TRAP1: variants seen among roughly 807,000 people sequenced by gnomAD.
TRAP1 encodes TNF receptor associated protein 1.
TRAP1 carries 102 observed loss-of-function variants against 89.1 expected under a neutral mutation model. That is an observed-to-expected ratio of 1.15 (90% confidence interval 0.98 to 1.35). The LOEUF is 1.35. TRAP1 is among the 40% of genes most tolerant of loss of function. TRAP1 has a pLI of 0.00. For missense variants in TRAP1, 1,256 were observed against 945.3 expected, an observed-to-expected ratio of 1.33 and a Z score of -4.31; for synonymous variants, 508 against 388.0, an observed-to-expected ratio of 1.31 and a Z score of -3.64.
At chr16:3,687,505 C>T (rs1184531047) in intron 3 of TRAP1, 2 of 152,318 alleles carry the variant, frequency 1.3e-5, no homozygotes, top group Non-Finnish European at 2.9e-5. Context: ...AGGTCTACCA[C>T]ACCCGGAGAA....
chr16:3,671,818 C>A, intron 10 of TRAP1, 27 bp from the exon 11 acceptor site: 1 of 1,609,812 alleles, frequency 6.2e-7, no homozygotes, highest in Non-Finnish European at 8.5e-7. Context: ...TCAGCTTCTC[C>A]CGGGGCTGCG....
intron 1 of TRAP1, among the ~76,000 whole-genome samples, chr16:3,706,296 TG>T (rs891387218): frequency 6.6e-6 from 1 of 151,280 alleles, no homozygotes; most frequent in East Asian, 1.9e-4. Flanking sequence ...TGGGGTGGGG[TG>T]GGGGTCTCAC....
At chr16:3,716,976 G>A (rs1237338434) in intron 1 of TRAP1, among the ~76,000 whole-genome samples, 1 of 152,224 alleles carries the variant, frequency 6.6e-6, no homozygotes, top group Admixed American at 6.5e-5. Context: ...AACCCTCAGT[G>A]CGCTACTGGG....
rs1241489820 is a variant in TRAP1 at position 3,690,947 on chromosome 16, A to G, written c.127T>C (p.Leu43=). The stretch of plus-strand genomic sequence containing the variant: ...CAGGCTGGGTTTCGCCTGGGGCCCA[A>G]CTGGGCTGTGGTCCTCCGAGGACAC... ...ILCPRRTTAQ[L]GPRRNPAWSL... is the part of the protein sequence containing the mutation. Residue 43 remains leucine (L), a synonymous_variant, in exon 2 of 18, where the codon TTG becomes CTG. Coordinates refer to ENST00000246957, the MANE Select transcript of TRAP1 (RefSeq NM_016292.3). The G allele has an allele frequency of 1.5e-5, 23 of 1,580,386 alleles. No individual in the cohort carries two copies. The highest frequency in any genetic ancestry group is 6.9e-5 in the South Asian group (6 of 86,506).
intron 1 of TRAP1, among the ~76,000 whole-genome samples, chr16:3,700,386 C>T (rs1158519128): frequency 1.3e-5 from 2 of 151,452 alleles, no homozygotes; most frequent in Non-Finnish European, 2.9e-5. Flanking sequence ...AGGCTGCTCT[C>T]TAACTCCTGA....
At chr16:3,659,332 CTCCA>C (rs1296159798) in intron 16 of TRAP1, 2 of 153,672 alleles carry the variant, frequency 1.3e-5, no homozygotes, top group Admixed American at 1.3e-4. Flanking sequence ...AGACAGATCA[CTCCA>C]TCCAGCAGCA....
At chr16:3,672,609 C>T (rs1468266014) in intron 10 of TRAP1, 91 bp downstream of exon 10, 3 of 1,468,488 alleles carry the variant, frequency 2.0e-6, no homozygotes, top group African/African-American at 2.8e-5. Flanking sequence ...CTGCAGAGGG[C>T]TGCTGAGAAT....
At chr16:3,716,148 C>T (rs1391485919) in intron 1 of TRAP1, among the ~76,000 whole-genome samples, 3 of 152,178 alleles carry the variant, frequency 2.0e-5, no homozygotes, top group African/African-American at 2.4e-5. Flanking sequence ...CCACCGCGCC[C>T]GGCCACAAGG....
intron 10 of TRAP1, 117 bp from the exon 11 acceptor site, chr16:3,671,908 G>C (rs2050919038): frequency 9.2e-7 from 1 of 1,086,808 alleles, no homozygotes; most frequent in Non-Finnish European, 1.4e-6. Flanking sequence ...CGTGTGCTAA[G>C]AGGGAAGCAG....
chr16:3,710,173 C>T (rs533812439), intron 1 of TRAP1, among the ~76,000 whole-genome samples: 1 of 152,294 alleles, frequency 6.6e-6, no homozygotes, highest in South Asian at 2.1e-4. Context: ...GAAAGGGCAC[C>T]TCGGAATAGT....
intron 1 of TRAP1, among the ~76,000 whole-genome samples, chr16:3,704,789 G>A (rs769085461): frequency 1.3e-5 from 2 of 152,100 alleles, no homozygotes; most frequent in Admixed American, 1.3e-4. Context: ...CAAGTTGGGA[G>A]GAACACTTGA....
intron 1 of TRAP1, among the ~76,000 whole-genome samples, chr16:3,700,418 C>T (rs892616398): frequency 3.3e-5 from 5 of 151,598 alleles, no homozygotes; most frequent in Non-Finnish European, 7.4e-5. Flanking sequence ...CCGCCCACAT[C>T]GGCCTCCCAA....
At chr16:3,668,926 C>A (rs541568665) in intron 11 of TRAP1, among the ~76,000 whole-genome samples, 1 of 152,222 alleles carries the variant, frequency 6.6e-6, no homozygotes, top group African/African-American at 2.4e-5. Flanking sequence ...CGCCTCGGCC[C>A]GCAGGGACGC....
intron 11 of TRAP1, 97 bp from the exon 12 acceptor site, chr16:3,666,215 A>G: frequency 1.4e-6 from 2 of 1,428,128 alleles, no homozygotes; most frequent in South Asian, 2.8e-5. Flanking sequence ...CTAAGAATCA[A>G]AGAAGTGAAA....
intron 4 of TRAP1, among the ~76,000 whole-genome samples, chr16:3,681,490 C>G (rs945462742): frequency 2.0e-5 from 3 of 152,208 alleles, no homozygotes; most frequent in African/African-American, 7.2e-5. Flanking sequence ...GCATGTTTCA[C>G]GGGCCCCAGC....
intron 1 of TRAP1, among the ~76,000 whole-genome samples, chr16:3,704,974 G>C (rs1459295411): frequency 6.6e-6 from 1 of 152,030 alleles, no homozygotes; most frequent in African/African-American, 2.4e-5. Context: ...ACTTTATTGA[G>C]ATGTAACACA....
intron 1 of TRAP1, among the ~76,000 whole-genome samples, chr16:3,716,557 G>C (rs1567250930): frequency 6.6e-6 from 1 of 152,196 alleles, no homozygotes; most frequent in Non-Finnish European, 1.5e-5. Context: ...GAAAAGATGT[G>C]GAAAGAATGC....
At chr16:3,710,152 G>A (rs1255870211) in intron 1 of TRAP1, among the ~76,000 whole-genome samples, 1 of 152,124 alleles carries the variant, frequency 6.6e-6, no homozygotes, top group Non-Finnish European at 1.5e-5. Flanking sequence ...TAAAGAAAAA[G>A]AACAAAAAGC....
chr16:3,686,981 A>G (rs2051146923), intron 3 of TRAP1: 1 of 152,088 alleles, frequency 6.6e-6, no homozygotes, highest in African/African-American at 2.4e-5. Flanking sequence ...AAAACAAACA[A>G]AAGAGGCCTG....
Sources: gnomAD v4.1 joint callset for allele counts (sites outside exome capture counted in the v4.1 genomes callset) on GRCh38, gnomAD v4.1.1 for gene constraint, MANE v1.5 for transcripts, NCBI Gene and HGNC (gene_info 2026-07-23, HGNC 2026-07-21) for gene names.